GALNTL6: variants seen among roughly 807,000 people sequenced by gnomAD.
The protein encoded by GALNTL6 is polypeptide N-acetylgalactosaminyltransferase like 6.
GALNTL6 carries 46 observed loss-of-function variants against 73.7 expected under a neutral mutation model. That is an observed-to-expected ratio of 0.62 (90% CI 0.49 to 0.80). The LOEUF (loss-of-function observed/expected upper bound fraction) is 0.80, where lower values mean the gene tolerates loss of function less well. GALNTL6 is among the 30% of genes least tolerant of loss of function. GALNTL6 has a pLI of 0.00. For synonymous variants in GALNTL6, 259 were observed against 263.7 expected (o/e 0.98, Z 0.17); for missense variants, 604 against 755.0 (o/e 0.80, Z 2.34).
At chr4:172,366,717 TTC>T (rs1413707382) in intron 5 of GALNTL6, among the ~76,000 whole-genome samples, 1 of 152,194 alleles carries the variant, frequency 6.6e-6, no homozygotes, top group Non-Finnish European at 1.5e-5. Flanking sequence ...CCTTGATTTT[TTC>T]TCTTACAATT....
chr4:172,272,557 C>T (rs948701249), intron 3 of GALNTL6, among the ~76,000 whole-genome samples: 4 of 152,042 alleles, frequency 2.6e-5, no homozygotes, highest in East Asian at 1.9e-4. Flanking sequence ...CAGTAAAAGA[C>T]GACACTATAA....
intron 7 of GALNTL6, among the ~76,000 whole-genome samples, chr4:172,825,977 A>G (rs988383301): frequency 2.6e-5 from 4 of 152,210 alleles, no homozygotes; most frequent in Admixed American, 2.0e-4. Context: ...ACCATCTCAT[A>G]GATGATAATT....
chr4:172,306,345 C>T (rs949160368), intron 3 of GALNTL6, among the ~76,000 whole-genome samples: 11 of 151,934 alleles, frequency 7.2e-5, no homozygotes, highest in African/African-American at 2.2e-4. Context: ...GCCGAGATCG[C>T]GCCACTGCAC....
intron 2 of GALNTL6, among the ~76,000 whole-genome samples, chr4:171,816,760 A>C (rs1282616704): frequency 2.0e-5 from 3 of 152,036 alleles, no homozygotes; most frequent in Admixed American, 1.3e-4. Context: ...GTAAAATAGA[A>C]ACAGTTCATT....
chr4:172,925,688 T>C (rs1289674878), intron 8 of GALNTL6, among the ~76,000 whole-genome samples: 6 of 152,112 alleles, frequency 3.9e-5, no homozygotes, highest in Non-Finnish European at 8.8e-5. Context: ...ATTCTGTCAA[T>C]AACCTAAGTA....
At chr4:171,985,740 T>TTATATATATATA (rs144030359) in intron 2 of GALNTL6, among the ~76,000 whole-genome samples, 10 of 148,060 alleles carry the variant, frequency 6.8e-5, no homozygotes, top group African/African-American at 2.2e-4. Context: ...CTCTATAAAA[T>TTATATATATATA]TATATATATA....
At chr4:172,036,898 T>A (rs1741943912) in intron 2 of GALNTL6, among the ~76,000 whole-genome samples, 1 of 152,134 alleles carries the variant, frequency 6.6e-6, no homozygotes, top group South Asian at 2.1e-4. Flanking sequence ...GCACTGAAAG[T>A]TACCCTAGGG....
chr4:172,798,652 A>G (rs538729897), intron 5 of GALNTL6, among the ~76,000 whole-genome samples: 2 of 152,216 alleles, frequency 1.3e-5, no homozygotes, highest in Non-Finnish European at 2.9e-5. Context: ...ATTAAGTCAA[A>G]TCATCTCCCA....
At chr4:172,755,327 C>CA (rs78206626) in intron 5 of GALNTL6, among the ~76,000 whole-genome samples, 6,828 of 121,878 alleles carry the variant, frequency 0.056, 216 homozygotes, top group African/African-American at 0.11. Context: ...TTCTAAATTG[C>CA]AAAAAAAAAA....
rs776675339 is a variant in GALNTL6, at chr4:172,069,583, T to TAA, written c.139-160073_139-160072insAA. Among the ~76,000 whole-genome samples the TAA allele has an allele frequency of 3.8e-5, 2 of 51,998 alleles. 1 individual carries two copies. Among genetic ancestry groups the TAA allele is most frequent in the African/African-American group, 1.3e-4 (2 of 15,316 alleles). The allele number at this position is 51,998 out of a possible 152,430, so 34.1% of individuals were successfully genotyped here. A position where few individuals can be genotyped will look rare whatever the true frequency, so the allele number is the denominator to read the frequency against. ...ATATATAACACATATATGTTATATA[T>TAA]TATATATATAACACATATATGTTAT... On this transcript the variant is annotated intron_variant, in intron 2 of 12. Transcript: ENST00000506823.
chr4:172,247,680 A>G (rs911763522), intron 3 of GALNTL6, among the ~76,000 whole-genome samples: 2 of 152,208 alleles, frequency 1.3e-5, no homozygotes, highest in African/African-American at 4.8e-5. Context: ...CTGGTTCATT[A>G]GATGAGTTAA....
At chr4:172,827,496 G>A (rs1742329864) in intron 7 of GALNTL6, among the ~76,000 whole-genome samples, 1 of 152,112 alleles carries the variant, frequency 6.6e-6, no homozygotes, top group African/African-American at 2.4e-5. Flanking sequence ...AGGAAGTGGG[G>A]ACAATCCCTC....
At chr4:172,689,194 A>T (rs941154879) in intron 5 of GALNTL6, among the ~76,000 whole-genome samples, 4 of 152,200 alleles carry the variant, frequency 2.6e-5, no homozygotes, top group Non-Finnish European at 5.9e-5. Context: ...ATTATAGCTG[A>T]AGTAGTTTGG....
At position 172,222,411 on chromosome 4, in the gene GALNTL6, T is replaced by C. The variant is rs563452069; in HGVS notation, c.139-7245T>C. Among the ~76,000 whole-genome samples, 83 of 152,020 alleles carry C rather than the reference T, an allele frequency of 5.5e-4. 1 individual carries two copies. The highest frequency in any genetic ancestry group is 2.0e-3 in the African/African-American group (83 of 41,522). ...CTTGCAAATAAATCCCATAAGGAAA[T>C]ATGTATAATAAAAGTGAACTTTACT... On this transcript the variant is annotated intron_variant, in intron 2 of 12. Transcript: ENST00000506823.
At position 172,528,963 on chromosome 4, in the gene GALNTL6, ATGTGTGTGTATATTTATACATATGTGTG is replaced by A. The variant is rs1735070729; in HGVS notation, c.553+180276_553+180303del. Among the ~76,000 whole-genome samples the A allele has an allele frequency of 3.1e-3, 93 of 30,192 alleles. No individual in the cohort carries two copies. In the East Asian group the frequency reaches 0.043, roughly 14 times the overall value. 19.8% of individuals were successfully genotyped at this position (30,192 alleles called of 152,430 possible). On this transcript the variant is annotated intron_variant, in intron 5 of 12. Transcript: ENST00000506823. Reference sequence around the variant, plus strand: ...TGTTTTCCCAAAGGCATATATATATATGTGTGTGTATATTTATACATATGTGTGTATATATATATATATACACACACAC... The same window carrying A: ...TGTTTTCCCAAAGGCATATATATATATATATATATATATATACACACACAC...
intron 2 of GALNTL6, among the ~76,000 whole-genome samples, chr4:171,925,135 A>G (rs1397801232): frequency 6.6e-6 from 1 of 152,184 alleles, no homozygotes; most frequent in Non-Finnish European, 1.5e-5. Context: ...ACAGGAGCAT[A>G]TGCATAGAGC....
At chr4:172,483,116 A>T (rs1366135971) in intron 5 of GALNTL6, among the ~76,000 whole-genome samples, 2 of 152,180 alleles carry the variant, frequency 1.3e-5, no homozygotes, top group East Asian at 1.9e-4. Flanking sequence ...TTTAATGTTT[A>T]ATTTTGCATG....
chr4:172,343,504 T>C (rs1741640112), intron 4 of GALNTL6, among the ~76,000 whole-genome samples: 1 of 152,274 alleles, frequency 6.6e-6, no homozygotes, highest in South Asian at 2.1e-4. Context: ...AAAATTTATT[T>C]TGTGGCCTTT....
intron 2 of GALNTL6, among the ~76,000 whole-genome samples, chr4:171,929,181 C>G (rs188749264): frequency 1.3e-5 from 2 of 152,250 alleles, no homozygotes; most frequent in Non-Finnish European, 2.9e-5. Flanking sequence ...ATCCTCCCAT[C>G]TCAACCTCCC....
Sources: gnomAD v4.1 joint callset for allele counts (sites outside exome capture counted in the v4.1 genomes callset) on GRCh38, gnomAD v4.1.1 for gene constraint, MANE v1.5 for transcripts, NCBI Gene and HGNC (gene_info 2026-07-23, HGNC 2026-07-21) for gene names.